RANBP2: variants seen among roughly 807,000 people sequenced by gnomAD.
The protein encoded by RANBP2 is RAN binding protein 2.
A neutral mutation model predicts 303.6 loss-of-function variants in RANBP2; 57 were observed. The observed-to-expected ratio is 0.19, with a 90% CI of 0.15 to 0.23. The LOEUF is 0.23. Among genes scored for constraint, RANBP2 ranks in the 10% least tolerant of loss-of-function variants. The pLI is 1.00. For missense variants in RANBP2, 3,138 were observed against 3,780.8 expected (o/e 0.83, Z 4.46); for synonymous variants, 1,167 against 1,301.5 (o/e 0.90, Z 2.23).
the RANBP2 span, among the ~76,000 whole-genome samples, chr2:109,457,879 A>G: frequency 6.6e-6 from 1 of 152,310 alleles, no homozygotes; most frequent in South Asian, 2.1e-4. Context: ...TGTCCCTCCC[A>G]GAAGGCAACA....
At chr2:109,590,820 T>C in the RANBP2 span, among the ~76,000 whole-genome samples, 1 of 152,140 alleles carries the variant, frequency 6.6e-6, no homozygotes, top group African/African-American at 2.4e-5. Context: ...CCTTGCTGGC[T>C]TTCAGAATGG....
chr2:109,564,200 G>C, the RANBP2 span: 1 of 538,744 alleles, frequency 1.9e-6, no homozygotes, highest in South Asian at 9.2e-5. Context: ...AAAGCAAGAA[G>C]GAGTCAAGTG....
At chr2:109,011,886 A>ATG in the RANBP2 span, among the ~76,000 whole-genome samples, 1 of 151,516 alleles carries the variant, frequency 6.6e-6, no homozygotes, top group Admixed American at 6.6e-5. Context: ...GTATGTGTGC[A>ATG]TGTGTGTGTG....
the RANBP2 span, among the ~76,000 whole-genome samples, chr2:109,392,365 T>C: frequency 6.6e-6 from 1 of 152,132 alleles, no homozygotes; most frequent in Non-Finnish European, 1.5e-5. Context: ...TTGGAACAGG[T>C]CACTTAACCT....
At chr2:109,540,010 T>C in the RANBP2 span, among the ~76,000 whole-genome samples, 1 of 152,038 alleles carries the variant, frequency 6.6e-6, no homozygotes, top group Non-Finnish European at 1.5e-5. Context: ...TGGTGGGACA[T>C]GTGTCTTCAT....
chr2:109,684,538 C>CTTT, the RANBP2 span, among the ~76,000 whole-genome samples: 136 of 135,836 alleles, frequency 1.0e-3, no homozygotes, highest in African/African-American at 2.6e-3. Context: ...TGCACCCGGG[C>CTTT]TTTTTTTTTT....
At chr2:108,783,003 G>T in intron 28 of RANBP2, 141 bp downstream of exon 28, 1 of 764,190 alleles carries the variant, frequency 1.3e-6, no homozygotes, top group Non-Finnish European at 2.2e-6. Flanking sequence ...GAATCACATG[G>T]CATCACTACC....
the RANBP2 span, among the ~76,000 whole-genome samples, chr2:109,312,488 T>C: frequency 2.0e-5 from 3 of 152,082 alleles, no homozygotes; most frequent in African/African-American, 7.2e-5. Context: ...GAAGTTTTCA[T>C]CTCCCCAAAA....
At position 108,764,152 on chromosome 2, in the gene RANBP2, G is replaced by A. The variant is rs936822747; in HGVS notation, c.3613G>A (p.Asp1205Asn). Residue 1205 changes from aspartate to asparagine, a missense_variant, in exon 20 of 29, where the codon GAT becomes AAT. Physicochemically the swap from Asp to Asn is conservative, Grantham distance 23. Around this residue, in one of 20 missense-constraint regions of RANBP2, gnomAD observed 72 missense variants for 119.5 expected, o/e 0.60. Transcript: ENST00000283195. Reference protein sequence around the residue: ...FCNRAKLFRFDVESKEWKERG... With the variant: ...FCNRAKLFRFNVESKEWKERG... ...CAACCGCGCGAAATTGTTTCGTTTC[G>A]ATGTAGAATCCAAAGAATGGAAAGA... 2.2e-5 allele frequency: 36 copies of A among 1,613,922 alleles called. No homozygotes were observed. The highest frequency in any genetic ancestry group is 3.0e-5 in the Non-Finnish European group (35 of 1,179,980).
At chr2:109,424,117 T>C in the RANBP2 span, among the ~76,000 whole-genome samples, 1 of 152,076 alleles carries the variant, frequency 6.6e-6, no homozygotes, top group Non-Finnish European at 1.5e-5. Flanking sequence ...GGCCCTGAGA[T>C]GGGGAGGTTT....
At chr2:109,028,925 GTTTATTTATTTATTTGTTTGTTTA>G in the RANBP2 span, among the ~76,000 whole-genome samples, 1 of 152,026 alleles carries the variant, frequency 6.6e-6, no homozygotes, top group African/African-American at 2.4e-5. Flanking sequence ...AGTTGTGATT[GTTTATTTATTTATTTGTTTGTTTA>G]TTTATTTATT....
At chr2:109,205,475 C>T in the RANBP2 span, among the ~76,000 whole-genome samples, 152 of 152,158 alleles carry the variant, frequency 1.0e-3, 1 homozygote, top group Middle Eastern at 3.4e-3. Context: ...GTCTTGAACT[C>T]CTGACCTCAA....
chr2:109,415,825 C>A, the RANBP2 span, among the ~76,000 whole-genome samples: 1 of 152,194 alleles, frequency 6.6e-6, no homozygotes, highest in African/African-American at 2.4e-5. Flanking sequence ...GCTTGAATGT[C>A]CCCTCTGAAA....
At chr2:109,670,639 C>T in the RANBP2 span, among the ~76,000 whole-genome samples, 2 of 152,192 alleles carry the variant, frequency 1.3e-5, no homozygotes, top group Non-Finnish European at 2.9e-5. Context: ...CGTTCTGCTG[C>T]TGCTGCTCGA....
At chr2:108,904,901 T>C in the RANBP2 span, among the ~76,000 whole-genome samples, 1 of 152,204 alleles carries the variant, frequency 6.6e-6, no homozygotes, top group Non-Finnish European at 1.5e-5. Context: ...TGTGTCAATA[T>C]CAGTGTCCTG....
the RANBP2 span, among the ~76,000 whole-genome samples, chr2:109,194,325 C>T: frequency 9.2e-4 from 140 of 152,340 alleles, 1 homozygote; most frequent in African/African-American, 2.8e-3. Flanking sequence ...GCTTGGGCTG[C>T]GGTGTCCCCA....
intron 25 of RANBP2, among the ~76,000 whole-genome samples, chr2:108,778,444 T>C (rs1464891637): frequency 1.3e-5 from 2 of 152,248 alleles, no homozygotes; most frequent in African/African-American, 4.8e-5. Context: ...CTTTATACTT[T>C]TGTAAATTTC....
chr2:109,692,381 C>T, the RANBP2 span, among the ~76,000 whole-genome samples: 8 of 152,100 alleles, frequency 5.3e-5, no homozygotes, highest in Admixed American at 1.3e-4. Flanking sequence ...ACGGTGGTGG[C>T]AGATGCACAA....
the RANBP2 span, among the ~76,000 whole-genome samples, chr2:109,369,389 C>T: frequency 5.9e-3 from 904 of 152,268 alleles, 7 homozygotes; most frequent in African/African-American, 0.02. Flanking sequence ...ACACACTCAA[C>T]GCTGAGCGTT....
Sources: gnomAD v4.1 joint callset for allele counts (sites outside exome capture counted in the v4.1 genomes callset) on GRCh38, gnomAD v4.1.1 for gene constraint, gnomAD v4.1.1 regional missense constraint, MANE v1.5 for transcripts, NCBI Gene and HGNC (gene_info 2026-07-23, HGNC 2026-07-21) for gene names.